The following PLK2 variants were observed in gnomAD, a reference collection of about 807,000 sequenced individuals.
The protein encoded by PLK2 is serine/threonine-protein kinase PLK2.
PLK2 carries 25 observed loss-of-function variants against 78.1 expected under a neutral mutation model. That is an observed-to-expected ratio of 0.32 (90% confidence interval 0.23 to 0.45). The LOEUF (loss-of-function observed/expected upper bound fraction) is 0.45, where lower values mean the gene tolerates loss of function less well. Among genes scored for constraint, PLK2 ranks in the 20% least tolerant of loss-of-function variants. The pLI, the probability that PLK2 is intolerant of heterozygous loss-of-function variation, is 1.00. For missense variants in PLK2, 566 were observed against 840.2 expected (o/e 0.67, Z 4.04); for synonymous variants, 332 against 298.2 (o/e 1.11, Z -1.17).
rs376825299 is a variant in PLK2 at position 58,459,974 on chromosome 5, C to T, written c.-15G>A. On this transcript the variant is annotated 5_prime_UTR_variant, in exon 1 of 14. Transcript: ENST00000274289. Reference sequence around the variant, plus strand: ...AAAAGCTCCATGGTCGCCTTGCCGCCCCGCACTGCCCGCTGCCACCCCCTA... The same window carrying T: ...AAAAGCTCCATGGTCGCCTTGCCGCTCCGCACTGCCCGCTGCCACCCCCTA... 2.5e-6 allele frequency: 4 copies of T among 1,570,428 alleles called. No homozygotes were observed. The highest frequency in any genetic ancestry group is 1.7e-5 in the Admixed American group (1 of 57,820).
chr5:58,457,754 G>C, intron 5 of PLK2, 171 bp from the exon 6 acceptor site: 1 of 598,476 alleles, frequency 1.7e-6, no homozygotes, highest in Non-Finnish European at 3.0e-6. Context: ...ATTGAGATCT[G>C]ACCAAATGAG....
chr5:58,456,716 TA>T, intron 8 of PLK2, 127 bp from the exon 9 acceptor site: 1 of 698,272 alleles, frequency 1.4e-6, no homozygotes, highest in Non-Finnish European at 2.4e-6. Flanking sequence ...AATAGCATTT[TA>T]CCTTTGCCTT....
chr5:58,457,987 A>G (rs2111711976), intron 5 of PLK2, 97 bp downstream of exon 5: 2 of 801,664 alleles, frequency 2.5e-6, no homozygotes, highest in Non-Finnish European at 4.4e-6. Context: ...TGATTTATAG[A>G]TTTTATTACC....
chr5:58,455,610 G>A lies in PLK2; in HGVS notation c.1554C>T (p.Tyr518=). ...VDYSNKYGFG[Y]QLSDHTVGVL... ...CACCGACGGTGTGGTCTGAGAGCTGGTACCCAAAGCCATATTTGTTAGAGT... is the reference window on the plus strand; with the variant it reads ...CACCGACGGTGTGGTCTGAGAGCTGATACCCAAAGCCATATTTGTTAGAGT... Residue 518 remains tyrosine (Y), a synonymous_variant, in exon 11 of 14, where the codon TAC becomes TAT. Transcript: ENST00000274289. The A allele has an allele frequency of 6.2e-7, 1 of 1,613,940 alleles. No individual in the cohort carries two copies. The highest frequency in any genetic ancestry group is 8.5e-7 in the Non-Finnish European group (1 of 1,179,862).
At position 58,458,426 on chromosome 5, in the gene PLK2, C is replaced by T; in HGVS notation, c.598G>A (p.Glu200Lys). The T allele has an allele frequency of 6.2e-7, 1 of 1,614,052 alleles. No homozygotes were observed. Among genetic ancestry groups the T allele is most frequent in the Non-Finnish European group, 8.5e-7 (1 of 1,179,910 alleles). Residue 200 changes from glutamate (E) to lysine (K), a missense_variant, in exon 4 of 14, where the codon GAA becomes AAA. Physicochemically the swap from Glu to Lys is moderately conservative, Grantham distance 56 (BLOSUM62 1). This residue lies in a region of PLK2 where 179 missense variants were observed against 342.3 expected (regional missense o/e 0.52). Transcript: ENST00000274289. ...AGTTTGAGATCTCTGTGCAAGATTT[C>T]TTGTTCATGAAGGTATTTCAGTCCA... ...VSGLKYLHEQ[E>K]ILHRDLKLGN... is the part of the protein sequence containing the mutation.
At position 58,454,569 on chromosome 5, in the gene PLK2, A is replaced by G. The variant is rs1579962759; in HGVS notation, c.*14T>C. On this transcript the variant is annotated 3_prime_UTR_variant, in exon 14 of 14. Transcript: ENST00000274289. The stretch of plus-strand genomic sequence containing the variant: ...GGAAAAGAGGAGTCCCATAGGGTCC[A>G]TTCGAAAAGTCTTTCAGTTACATCT... 5.7e-6 allele frequency: 9 copies of G among 1,586,414 alleles called. No homozygotes were observed. The highest frequency in any genetic ancestry group is 7.8e-6 in the Non-Finnish European group (9 of 1,160,214).
intron 1 of PLK2, 167 bp from the exon 2 acceptor site, chr5:58,459,259 GAAGAGA>G: frequency 1.6e-6 from 1 of 608,886 alleles, no homozygotes; most frequent in Non-Finnish European, 2.9e-6. Flanking sequence ...GCTCCCTCAT[GAAGAGA>G]AATGCATTGC....
In PLK2 at chr5:58,455,024, G is replaced by A. The variant is rs1023218265; in HGVS notation, c.1756-3C>T. ...GTAACACTAGGCAGATCTCCACCCT[G>A]GAAGAGATTAGGAGAGTGAGTTAGT... On this transcript the variant is annotated splice_polypyrimidine_tract_variant and splice_region_variant and intron_variant, in intron 12 of 13. Transcript: ENST00000274289. 2 of 1,561,724 alleles carry A rather than the reference G, an allele frequency of 1.3e-6. No individual in the cohort carries two copies. Among genetic ancestry groups the A allele is most frequent in the Admixed American group, 3.3e-5 (2 of 59,862 alleles).
At chr5:58,458,344 G>A in intron 4 of PLK2, 55 bp downstream of exon 4, 2 of 1,578,456 alleles carry the variant, frequency 1.3e-6, no homozygotes, top group African/African-American at 2.7e-5. Flanking sequence ...AAAAAAAACA[G>A]AGAGAGAAAA....
chr5:58,458,073 C>T lies in PLK2; in HGVS notation c.713+11G>A, dbSNP rs1264624798. On this transcript the variant is annotated intron_variant, in intron 5 of 13. Transcript: ENST00000274289. ...CAAAAGTCTACTAGGATGCATCTTT[C>T]TGACTCTTACCTCCTTCTGTGTTCC... 6.3e-7 allele frequency: 1 copy of T among 1,588,262 alleles called. No individual in the cohort carries two copies. The highest frequency in any genetic ancestry group is 2.2e-5 in the East Asian group (1 of 44,740).
chr5:58,459,528 G>A (rs1399553367), intron 1 of PLK2, 162 bp downstream of exon 1: 2 of 617,584 alleles, frequency 3.2e-6, no homozygotes, highest in African/African-American at 1.9e-5. Flanking sequence ...CGCTGCCGGC[G>A]CACAAAAGCC....
chr5:58,459,945 C>A lies in PLK2; in HGVS notation c.15G>T (p.Arg5=), dbSNP rs1258159717. 6.2e-7 allele frequency: 1 copy of A among 1,605,600 alleles called. No individual in the cohort carries two copies. Among genetic ancestry groups the A allele is most frequent in the Non-Finnish European group, 8.5e-7 (1 of 1,175,716 alleles). The change falls in exon 1 of 14, where the codon CGG becomes CGT. Residue 5 remains arginine (R), a synonymous_variant. Coordinates refer to ENST00000274289, the MANE Select transcript of PLK2 (RefSeq NM_006622.4). ...TGGCGGCTGGCTGGTAGGTGATAGTCCGCAAAAGCTCCATGGTCGCCTTGC... is the reference window on the plus strand; with the variant it reads ...TGGCGGCTGGCTGGTAGGTGATAGTACGCAAAAGCTCCATGGTCGCCTTGC... MELL[R]TITYQPAAST... is the part of the protein sequence containing the mutation.
chr5:58,458,493 C>G lies in PLK2; in HGVS notation c.531G>C (p.Leu177Phe). The G allele has an allele frequency of 6.2e-7, 1 of 1,612,722 alleles. No homozygotes were observed. Among genetic ancestry groups the G allele is most frequent in the Non-Finnish European group, 8.5e-7 (1 of 1,178,996 alleles). The change falls in exon 4 of 14, where the codon TTG (leucine) becomes TTC (phenylalanine). Residue 177 changes from leucine (L) to phenylalanine (F), a missense_variant. Leu to Phe is a conservative substitution (Grantham distance 22, BLOSUM62 0). Transcript: ENST00000274289. ...GGTAGTATCGAACTTCTGGCTCTGT[C>G]AACACCTTTCTTGCTTTCAAAATAT... ...MAHILKARKVLTEPEVRYYLR... is the reference protein window; with the variant it reads ...MAHILKARKVFTEPEVRYYLR...
In PLK2 at chr5:58,454,643, T is replaced by C. The variant is rs762279412; in HGVS notation, c.1998A>G (p.Ser666=). 48 of 1,613,956 alleles carry C rather than the reference T, an allele frequency of 3.0e-5. No individual in the cohort carries two copies. In the Admixed American group the frequency reaches 7.2e-4, roughly 24 times the overall value. ...ATTCCATTCGATTTTTTAATTCTGA[T>C]GAACAGCCAGACATCAGCAGAGTTG... ...RLTTLLMSGC[S]SELKNRMEYA... The change falls in exon 14 of 14, where the codon TCA becomes TCG. Residue 666 remains serine, a synonymous_variant. Transcript: ENST00000274289.
At position 58,457,172 on chromosome 5, in the gene PLK2, T is replaced by A; in HGVS notation, c.1008+9A>T. 1.9e-6 allele frequency: 3 copies of A among 1,611,350 alleles called. No individual in the cohort carries two copies. The highest frequency in any genetic ancestry group is 2.2e-5 in the South Asian group (2 of 89,938). On this transcript the variant is annotated intron_variant, in intron 7 of 13. Coordinates refer to ENST00000274289, the MANE Select transcript of PLK2 (RefSeq NM_006622.4). ...CCAGGTAATTAAAAAAAAAAGATAG[T>A]GCACCAACCTGCAAAAAAAAGTCAT...
rs773524839 is a variant in PLK2, at chr5:58,456,098, T to G, written c.1312A>C (p.Lys438Gln). 1 of 1,614,046 alleles carries G rather than the reference T, an allele frequency of 6.2e-7. No homozygotes were observed. Among genetic ancestry groups the G allele is most frequent in the Non-Finnish European group, 8.5e-7 (1 of 1,179,940 alleles). ...ARSGTPAVEN[K>Q]QQIGDAIRMI... ...CGAATAGCATCCCCAATCTGCTGCTTGTTTTCTACTGCGGGTGTTCCAGAC... is the reference window on the plus strand; with the variant it reads ...CGAATAGCATCCCCAATCTGCTGCTGGTTTTCTACTGCGGGTGTTCCAGAC... Residue 438 changes from lysine (K) to glutamine (Q), a missense_variant, in exon 10 of 14, where the codon AAG (lysine) becomes CAG (glutamine). Lys to Gln is a moderately conservative substitution (Grantham distance 53). This residue lies in a region of PLK2 where 129 missense variants were observed against 156.0 expected (regional missense o/e 0.83). Transcript: ENST00000274289.
rs201546418 is a variant in PLK2, at chr5:58,455,469, A to C, written c.1626-55T>G. Reference sequence around the variant, plus strand: ...GAGGAAAAAAAAATAGAAGCAGTTAATCATTGTTTTTAGATTTCTTTAGTG... The same window carrying C: ...GAGGAAAAAAAAATAGAAGCAGTTACTCATTGTTTTTAGATTTCTTTAGTG... On this transcript the variant is annotated intron_variant, in intron 11 of 13. Coordinates refer to ENST00000274289, the MANE Select transcript of PLK2 (RefSeq NM_006622.4). 158 of 1,610,878 alleles carry C rather than the reference A, an allele frequency of 9.8e-5. 1 individual carries two copies. Among genetic ancestry groups the C allele is most frequent in the Middle Eastern group, 3.3e-4 (2 of 6,072 alleles).
Position 58,460,083 on chromosome 5 carries a change from G to A in PLK2, c.-124C>T, listed in dbSNP as rs780430391. The A allele has an allele frequency of 8.5e-7, 1 of 1,170,280 alleles. No homozygotes were observed. The highest frequency in any genetic ancestry group is 2.6e-5 in the Admixed American group (1 of 38,226). 72.5% of individuals were successfully genotyped at this position (1,170,280 alleles called of 1,614,324 possible). A position where few individuals can be genotyped will look rare whatever the true frequency, so the allele number is the denominator to read the frequency against. On this transcript the variant is annotated 5_prime_UTR_variant, in exon 1 of 14. Coordinates refer to ENST00000274289, the MANE Select transcript of PLK2 (RefSeq NM_006622.4). ...TAGCACCCAACACCCCGGTCCACTTGTGCGAGTGAGAGCGCTCGGCGAAGT... is the reference window on the plus strand; with the variant it reads ...TAGCACCCAACACCCCGGTCCACTTATGCGAGTGAGAGCGCTCGGCGAAGT...
chr5:58,456,167 G>A lies in PLK2; in HGVS notation c.1255-12C>T. 3 of 1,606,226 alleles carry A rather than the reference G, an allele frequency of 1.9e-6. No homozygotes were observed. The highest frequency in any genetic ancestry group is 2.5e-6 in the Non-Finnish European group (3 of 1,177,662). ...GGTGGCTGGAGCTCCTTAGAAGAGAGAAGATTTATGCAATGAGTCAAGCAT... is the reference window on the plus strand; with the variant it reads ...GGTGGCTGGAGCTCCTTAGAAGAGAAAAGATTTATGCAATGAGTCAAGCAT... On this transcript the variant is annotated splice_polypyrimidine_tract_variant and intron_variant, in intron 9 of 13. Coordinates refer to ENST00000274289, the MANE Select transcript of PLK2 (RefSeq NM_006622.4).
Sources: allele counts gnomAD v4.1 joint callset, GRCh38; gene constraint gnomAD v4.1.1; regional missense constraint gnomAD v4.1.1; transcripts MANE v1.5; gene names NCBI Gene and HGNC (gene_info 2026-07-23, HGNC 2026-07-21).